The following SPATA13 variants were observed in gnomAD, a reference collection of about 807,000 sequenced individuals.
The protein encoded by SPATA13 is spermatogenesis associated 13, also known as spermatogenesis-associated protein 13.
Under a neutral mutation model 104.0 loss-of-function variants are expected in SPATA13, and 50 were observed. That is an observed-to-expected ratio of 0.48 (90% CI 0.38 to 0.61). The LOEUF is 0.61. Among genes scored for constraint, SPATA13 ranks in the 20% least tolerant of loss-of-function variants. SPATA13 has a pLI of 0.00. For missense variants in SPATA13, 1,524 were observed against 1,690.6 expected (o/e 0.90, Z 1.73); for synonymous variants, 606 against 667.5 (o/e 0.91, Z 1.42).
rs375868647 is a variant in SPATA13 at position 24,104,117 on chromosome 13, C to T, written c.-112+86416C>T. On this transcript the variant is annotated intron_variant, in intron 3 of 14. Transcript: ENST00000424834. The stretch of plus-strand genomic sequence containing the variant: ...AACTGTTAGAGAGCTGTAGATGACA[C>T]GTTTGAGAATGTCCGTGTCAGTCTG... Among the ~76,000 whole-genome samples the T allele has an allele frequency of 3.6e-4, 54 of 152,080 alleles. No individual in the cohort carries two copies. The East Asian group carries it at 6.0e-3, about 17-fold the overall frequency.
chr13:24,278,915 T>A, intron 4 of SPATA13: 2 of 1,269,670 alleles, frequency 1.6e-6, no homozygotes, highest in Non-Finnish European at 2.1e-6. Context: ...CTTCCTTCCT[T>A]CCTTCCTTCC....
intron 3 of SPATA13, among the ~76,000 whole-genome samples, chr13:24,097,185 G>A (rs1405320740): frequency 2.0e-5 from 3 of 152,308 alleles, no homozygotes; most frequent in South Asian, 2.1e-4. Flanking sequence ...CTGGGTGGGT[G>A]TGTGAGGTAT....
At chr13:24,254,010 G>T (rs371250814) in intron 4 of SPATA13, among the ~76,000 whole-genome samples, 7 of 152,262 alleles carry the variant, frequency 4.6e-5, no homozygotes, top group East Asian at 3.9e-4. Context: ...TTTATGCTTA[G>T]AGAGGGAGGG....
chr13:24,195,090 C>T (rs9511135), intron 1 of SPATA13, among the ~76,000 whole-genome samples: 65,132 of 152,014 alleles, frequency 0.43, 16,112 homozygotes, highest in Non-Finnish European at 0.56. Flanking sequence ...ACCCCAATTC[C>T]TGTTAGCAGT....
chr13:24,050,905 C>T (rs1878316389), intron 3 of SPATA13, among the ~76,000 whole-genome samples: 1 of 152,174 alleles, frequency 6.6e-6, no homozygotes, highest in African/African-American at 2.4e-5. Context: ...TCCTGGGAGG[C>T]CTTACCCACT....
intron 3 of SPATA13, among the ~76,000 whole-genome samples, chr13:24,108,733 A>T (rs1880538572): frequency 6.6e-6 from 1 of 151,908 alleles, no homozygotes; most frequent in Non-Finnish European, 1.5e-5. Context: ...ACCTTTCCTC[A>T]TCTCACCTTT....
At chr13:24,120,788 G>A (rs1441629153) in intron 3 of SPATA13, among the ~76,000 whole-genome samples, 4 of 152,212 alleles carry the variant, frequency 2.6e-5, no homozygotes. Flanking sequence ...AGGCTGCCAG[G>A]TGTTTTCATT....
chr13:24,186,767 A>G (rs529009612), intron 1 of SPATA13, among the ~76,000 whole-genome samples: 1 of 152,286 alleles, frequency 6.6e-6, no homozygotes, highest in Non-Finnish European at 1.5e-5. Flanking sequence ...ATGGGCAACA[A>G]CGCTATTGAG....
At chr13:24,251,371 T>C in intron 3 of SPATA13, 1 of 729,748 alleles carries the variant, frequency 1.4e-6, no homozygotes, top group Non-Finnish European at 1.7e-6. Context: ...AAGCATCTTC[T>C]TACCCTTGTG....
rs569155685 is a variant in SPATA13 at position 24,107,925 on chromosome 13, C to T, written c.-112+90224C>T. On this transcript the variant is annotated intron_variant, in intron 3 of 14. Coordinates refer to the SPATA13 transcript ENST00000424834. ...ACAATTTTAATTATTATGCTTAGTT[C>T]TTATCTTAGTCCATTTGTGCTGCTA... Among the ~76,000 whole-genome samples, 4 of 152,312 alleles carry T rather than the reference C, an allele frequency of 2.6e-5. No individual in the cohort carries two copies. The East Asian group carries it at 7.7e-4, about 29-fold the overall frequency.
At chr13:24,217,872 C>T (rs1249235217) in intron 1 of SPATA13, among the ~76,000 whole-genome samples, 1 of 152,154 alleles carries the variant, frequency 6.6e-6, no homozygotes, top group African/African-American at 2.4e-5. Flanking sequence ...CAACTCCCTT[C>T]CCCCAACCCT....
intron 4 of SPATA13, among the ~76,000 whole-genome samples, chr13:24,255,180 G>T (rs761792021): frequency 1.3e-5 from 2 of 152,126 alleles, no homozygotes; most frequent in Non-Finnish European, 2.9e-5. Flanking sequence ...TTTGCCGCCG[G>T]GAGTTTCCCT....
rs1293333037 is a variant in SPATA13 at position 24,055,072 on chromosome 13, T to A, written c.-112+37371T>A. Reference sequence around the variant, plus strand: ...TGTTGTGCCCTGTCATATTTTACATTCTGAGCAAGCCTACAGCCTCCAGCA... The same window carrying A: ...TGTTGTGCCCTGTCATATTTTACATACTGAGCAAGCCTACAGCCTCCAGCA... On this transcript the variant is annotated intron_variant, in intron 3 of 14. Transcript: ENST00000424834. Among the ~76,000 whole-genome samples, 2 of 152,252 alleles carry A rather than the reference T, an allele frequency of 1.3e-5. 1 individual carries two copies. The highest frequency in any genetic ancestry group is 2.9e-5 in the Non-Finnish European group (2 of 68,042).
At chr13:24,027,825 G>A in intron 3 of SPATA13, among the ~76,000 whole-genome samples, 1 of 152,126 alleles carries the variant, frequency 6.6e-6, no homozygotes, top group Non-Finnish European at 1.5e-5. Flanking sequence ...AGAACACGTG[G>A]TGTAGATTAA....
intron 1 of SPATA13, among the ~76,000 whole-genome samples, chr13:24,186,190 G>A (rs893871268): frequency 2.6e-5 from 4 of 152,164 alleles, no homozygotes; most frequent in African/African-American, 9.7e-5. Flanking sequence ...GTGAGGAAAC[G>A]GGAATGTTAC....
At chr13:24,256,565 T>A (rs1475712797) in intron 4 of SPATA13, among the ~76,000 whole-genome samples, 1 of 145,364 alleles carries the variant, frequency 6.9e-6, no homozygotes, top group African/African-American at 2.6e-5. Context: ...TTGCATTTAA[T>A]TTTTTTTTTT....
chr13:24,109,873 A>G (rs1032443550), intron 3 of SPATA13, among the ~76,000 whole-genome samples: 3 of 151,848 alleles, frequency 2.0e-5, no homozygotes, highest in African/African-American at 7.3e-5. Context: ...TCCTTGGGAT[A>G]TATTTCTAGA....
chr13:24,007,891 T>C (rs1876303015), intron 2 of SPATA13, among the ~76,000 whole-genome samples: 1 of 152,242 alleles, frequency 6.6e-6, no homozygotes, highest in Non-Finnish European at 1.5e-5. Flanking sequence ...GTATTTATTG[T>C]CATCATGATC....
In SPATA13 at chr13:24,189,854, A is replaced by C. The variant is rs1344691887; in HGVS notation, c.-112+28922A>C. ...AAAATGATATTTAATATATTATATTAATATATCATATATAATATAATTATA... is the reference window on the plus strand; with the variant it reads ...AAAATGATATTTAATATATTATATTCATATATCATATATAATATAATTATA... On this transcript the variant is annotated intron_variant, in intron 1 of 12. Coordinates refer to ENST00000382108, the MANE Select transcript of SPATA13 (RefSeq NM_001166271.3). Among the ~76,000 whole-genome samples, 3 of 44,648 alleles carry C rather than the reference A, an allele frequency of 6.7e-5. 1 individual carries two copies. The highest frequency in any genetic ancestry group is 9.5e-4 in the Admixed American group (2 of 2,102). The allele number at this position is 44,648 out of a possible 152,430, so 29.3% of individuals were successfully genotyped here.
Sources: gnomAD v4.1 joint callset for allele counts (sites outside exome capture counted in the v4.1 genomes callset) on GRCh38, gnomAD v4.1.1 for gene constraint, MANE v1.5 for transcripts, NCBI Gene and HGNC (gene_info 2026-07-23, HGNC 2026-07-21) for gene names.